The following TFPI variants were observed in gnomAD, a reference collection of about 807,000 sequenced individuals.
TFPI encodes tissue factor pathway inhibitor.
TFPI carries 15 observed loss-of-function variants against 34.6 expected under a neutral mutation model. That is an observed-to-expected ratio of 0.43 (90% CI 0.29 to 0.67). The LOEUF (loss-of-function observed/expected upper bound fraction) is 0.67. Among genes scored for constraint, TFPI ranks in the 30% least tolerant of loss-of-function variants. The pLI is 0.15. For synonymous variants in TFPI, 105 were observed against 120.1 expected (o/e 0.87, Z 0.82); for missense variants, 301 against 364.0 (o/e 0.83, Z 1.41).
At chr2:187,487,654 T>TG (rs1693375082) in intron 4 of TFPI, among the ~76,000 whole-genome samples, 1 of 150,934 alleles carries the variant, frequency 6.6e-6, no homozygotes, top group Non-Finnish European at 1.5e-5. Flanking sequence ...GACGTTGGTT[T>TG]CCCTGATCCA....
intron 1 of TFPI, among the ~76,000 whole-genome samples, chr2:187,540,752 G>A (rs1405434009): frequency 7.9e-5 from 12 of 151,764 alleles, no homozygotes; most frequent in Admixed American, 7.9e-4. Flanking sequence ...CTAGCCTGGT[G>A]TGGTGATGTG....
At chr2:187,473,699 C>G (rs574978818) in intron 6 of TFPI, among the ~76,000 whole-genome samples, 43 of 151,394 alleles carry the variant, frequency 2.8e-4, no homozygotes, top group African/African-American at 9.7e-4. Context: ...GAGTATGTAT[C>G]TCTATTCATT....
Position 187,466,426 on chromosome 2 carries a change from A to C in TFPI, c.*510T>G, listed in dbSNP as rs965254981. The C allele has an allele frequency of 2.0e-5, 3 of 152,796 alleles. No individual in the cohort carries two copies. The highest frequency in any genetic ancestry group is 6.5e-5 in the Admixed American group (1 of 15,278). 9.5% of individuals were successfully genotyped at this position (152,796 alleles called of 1,614,324 possible). A position where few individuals can be genotyped will look rare whatever the true frequency, so the allele number is the denominator to read the frequency against. On this transcript the variant is annotated 3_prime_UTR_variant, in exon 8 of 8. Coordinates refer to ENST00000233156, the MANE Select transcript of TFPI (RefSeq NM_006287.6). ...AAAAACTATGTCTAAGGAGGGAAGCACATAATAGAATTCTATTATTACAAT... is the reference window on the plus strand; with the variant it reads ...AAAAACTATGTCTAAGGAGGGAAGCCCATAATAGAATTCTATTATTACAAT...
At chr2:187,552,500 G>T (rs10185334) in intron 1 of TFPI, among the ~76,000 whole-genome samples, 26,004 of 151,842 alleles carry the variant, frequency 0.17, 2,611 homozygotes, top group East Asian at 0.31. Context: ...TATGACAGAA[G>T]ATTTAAGTCA....
chr2:187,539,244 G>T (rs1348633705), intron 1 of TFPI, among the ~76,000 whole-genome samples: 2 of 152,054 alleles, frequency 1.3e-5, no homozygotes, highest in Non-Finnish European at 2.9e-5. Context: ...GCAAAGTAAG[G>T]ACCAGTGATA....
intron 1 of TFPI, among the ~76,000 whole-genome samples, chr2:187,522,933 A>G (rs1045787544): frequency 3.4e-5 from 5 of 148,114 alleles, no homozygotes; most frequent in Non-Finnish European, 6.0e-5. Flanking sequence ...TAAATAAATA[A>G]TAAAAAACAG....
At chr2:187,523,581 AT>A (rs1203265957) in intron 1 of TFPI, among the ~76,000 whole-genome samples, 4 of 152,030 alleles carry the variant, frequency 2.6e-5, no homozygotes, top group Admixed American at 6.5e-5. Context: ...CTTTTAATTT[AT>A]TTTTTTTAAA....
chr2:187,497,400 A>C (rs963527573), intron 2 of TFPI, among the ~76,000 whole-genome samples: 1 of 152,034 alleles, frequency 6.6e-6, no homozygotes, highest in Admixed American at 6.6e-5. Context: ...GCTAATGGAC[A>C]GTTCTTTGAA....
intron 1 of TFPI, among the ~76,000 whole-genome samples, chr2:187,534,762 G>T (rs543856219): frequency 2.0e-5 from 3 of 152,102 alleles, no homozygotes; most frequent in Admixed American, 6.6e-5. Flanking sequence ...CCAGTTAAAA[G>T]ACATAGACTG....
At chr2:187,481,263 A>G (rs1692835043) in intron 6 of TFPI, among the ~76,000 whole-genome samples, 2 of 152,242 alleles carry the variant, frequency 1.3e-5, no homozygotes, top group Non-Finnish European at 2.9e-5. Context: ...AGAGAACTTT[A>G]CACGTTTGAT....
chr2:187,546,432 A>G (rs1157128531), intron 1 of TFPI, among the ~76,000 whole-genome samples: 1 of 3,148 alleles, frequency 3.2e-4, no homozygotes, highest in South Asian at 0.016. Flanking sequence ...TTAAGAGGGG[A>G]AAAAAAACAA....
intron 1 of TFPI, among the ~76,000 whole-genome samples, chr2:187,528,022 A>G (rs1415666558): frequency 2.0e-5 from 3 of 152,050 alleles, no homozygotes. Context: ...AATATAATAA[A>G]TAAATATATT....
intron 3 of TFPI, among the ~76,000 whole-genome samples, chr2:187,491,373 A>G (rs578076338): frequency 1.3e-5 from 2 of 151,878 alleles, no homozygotes; most frequent in South Asian, 4.2e-4. Flanking sequence ...CTGAGTGTCC[A>G]TTGTCTATTA....
At chr2:187,539,207 G>A (rs1332391063) in intron 1 of TFPI, among the ~76,000 whole-genome samples, 2 of 152,128 alleles carry the variant, frequency 1.3e-5, no homozygotes. Context: ...GAGTACATTA[G>A]AGAAATATTT....
intron 6 of TFPI, among the ~76,000 whole-genome samples, chr2:187,473,914 GA>G (rs1049576265): frequency 5.1e-4 from 78 of 152,112 alleles, no homozygotes; most frequent in African/African-American, 1.8e-3. Context: ...TAGACTGAGT[GA>G]AAACCTGCCC....
chr2:187,501,140 G>A (rs1241077762), intron 2 of TFPI, among the ~76,000 whole-genome samples: 2 of 151,956 alleles, frequency 1.3e-5, no homozygotes, highest in Non-Finnish European at 2.9e-5. Context: ...ATCTGCCAGC[G>A]GCCATGAGAA....
chr2:187,504,755 C>A (rs1468071493), intron 1 of TFPI, among the ~76,000 whole-genome samples: 4 of 152,060 alleles, frequency 2.6e-5, no homozygotes, highest in Non-Finnish European at 4.4e-5. Flanking sequence ...AAAGCGAGAT[C>A]TTATCAGCAA....
intron 1 of TFPI, among the ~76,000 whole-genome samples, chr2:187,506,550 A>C (rs997935028): frequency 6.6e-6 from 1 of 152,054 alleles, no homozygotes; most frequent in Non-Finnish European, 1.5e-5. Flanking sequence ...ACCCATCCAG[A>C]ATACCAAATT....
intron 1 of TFPI, chr2:187,517,056 T>C (rs1687058629): frequency 6.6e-6 from 1 of 152,188 alleles, no homozygotes; most frequent in Non-Finnish European, 1.5e-5. Flanking sequence ...AGGAGGAGTT[T>C]TGTCTGTGGC....
Sources: gnomAD v4.1 joint callset for allele counts (sites outside exome capture counted in the v4.1 genomes callset) on GRCh38, gnomAD v4.1.1 for gene constraint, MANE v1.5 for transcripts, NCBI Gene and HGNC (gene_info 2026-07-23, HGNC 2026-07-21) for gene names.